CNTN6: variants seen among roughly 807,000 people sequenced by gnomAD.
The protein encoded by CNTN6 is contactin 6.
Under a neutral mutation model 122.8 loss-of-function variants are expected in CNTN6, and 137 were observed. The ratio of observed to expected loss-of-function variants is 1.12; its 90% CI spans 0.97 to 1.29. The LOEUF is 1.29. Among genes scored for constraint, CNTN6 ranks in the 50% most tolerant of loss-of-function variants. CNTN6 has a pLI of 0.00. For synonymous variants in CNTN6, 570 were observed against 426.0 expected (o/e 1.34, Z -4.16); for missense variants, 1,634 against 1,223.4 (o/e 1.34, Z -5.01).
At chr3:1,314,809 T>C (rs1055184842) in intron 7 of CNTN6, among the ~76,000 whole-genome samples, 51 of 152,066 alleles carry the variant, frequency 3.4e-4, no homozygotes, top group African/African-American at 1.1e-3. Flanking sequence ...CTAGTAGTAT[T>C]TCACAATTGT....
intron 1 of CNTN6, among the ~76,000 whole-genome samples, chr3:1,127,141 G>A (rs56753134): frequency 0.43 from 64,704 of 150,922 alleles, 13,988 homozygotes; most frequent in East Asian, 0.48. Context: ...TTTCATTTAC[G>A]AGCAAAATAG....
intron 8 of CNTN6, among the ~76,000 whole-genome samples, chr3:1,323,369 A>C (rs1011632727): frequency 4.6e-5 from 7 of 151,804 alleles, no homozygotes; most frequent in African/African-American, 1.7e-4. Context: ...AGCTCATTGT[A>C]CTATATCTCA....
intron 17 of CNTN6, among the ~76,000 whole-genome samples, chr3:1,380,518 T>C (rs909505301): frequency 6.6e-6 from 1 of 152,156 alleles, no homozygotes; most frequent in Non-Finnish European, 1.5e-5. Context: ...GAATGTCTCA[T>C]AAATATTACT....
chr3:1,227,061 A>T (rs1316675563), intron 3 of CNTN6, among the ~76,000 whole-genome samples: 1 of 152,180 alleles, frequency 6.6e-6, no homozygotes, highest in Non-Finnish European at 1.5e-5. Context: ...CATTTGTCTT[A>T]AAAATGACCA....
intron 1 of CNTN6, among the ~76,000 whole-genome samples, chr3:1,096,330 C>A (rs545990237): frequency 6.6e-6 from 1 of 151,834 alleles, no homozygotes; most frequent in Non-Finnish European, 1.5e-5. Context: ...TTTTCATTAA[C>A]TTTTTTTGAG....
chr3:1,239,279 C>T (rs575812229), intron 4 of CNTN6, among the ~76,000 whole-genome samples: 1 of 152,266 alleles, frequency 6.6e-6, no homozygotes, highest in African/African-American at 2.4e-5. Context: ...CCTAAAGATT[C>T]ATCCAAAAAT....
At chr3:1,290,044 G>A (rs1695055081) in intron 5 of CNTN6, among the ~76,000 whole-genome samples, 1 of 152,190 alleles carries the variant, frequency 6.6e-6, no homozygotes, top group Non-Finnish European at 1.5e-5. Flanking sequence ...TCACCTAGGA[G>A]CTTGTTAGCA....
At chr3:1,166,979 C>T (rs560133123) in intron 2 of CNTN6, among the ~76,000 whole-genome samples, 127 of 151,466 alleles carry the variant, frequency 8.4e-4, no homozygotes, top group African/African-American at 2.9e-3. Context: ...TGCAGCAAAC[C>T]ACCATGACAC....
At position 1,402,335 on chromosome 3, in the gene CNTN6, C is replaced by T. The variant is rs1695825840; in HGVS notation, c.2835C>T (p.Asn945=). 6.2e-7 allele frequency: 1 copy of T among 1,608,122 alleles called. No homozygotes were observed. Among genetic ancestry groups the T allele is most frequent in the Non-Finnish European group, 8.5e-7 (1 of 1,177,194 alleles). Residue 945 remains asparagine (N), a synonymous_variant, in exon 22 of 23, where the codon AAC becomes AAT. Transcript: ENST00000446702. ...TTATTCAGATTCTGTACCGGCAAAA[C>T]AGACAGAGTAAAACTCATATTTTGG... ...VLGYKILYRQ[N]RQSKTHILET...
rs568270706 is a variant in CNTN6 at position 1,136,164 on chromosome 3, C to T, written c.-82-11763C>T. On this transcript the variant is annotated intron_variant, in intron 1 of 22. Transcript: ENST00000446702. ...GAAATTTAGAGAGCTCTATTACATC[C>T]TTTATTAATTGACCCTAAAAAAATT... Among the ~76,000 whole-genome samples the T allele has an allele frequency of 7.2e-4, 110 of 152,206 alleles. 1 individual carries two copies. The highest frequency in any genetic ancestry group is 2.5e-3 in the African/African-American group (104 of 41,510).
At chr3:1,111,309 C>T (rs1385726337) in intron 1 of CNTN6, among the ~76,000 whole-genome samples, 1 of 152,180 alleles carries the variant, frequency 6.6e-6, no homozygotes, top group Non-Finnish European at 1.5e-5. Flanking sequence ...ACAACAAGAA[C>T]AACCATCAAT....
rs73819706 is a variant in CNTN6 at position 1,327,789 on chromosome 3, C to T, written c.1213+203C>T. Among the ~76,000 whole-genome samples the T allele has an allele frequency of 7.4e-3, 1,129 of 151,858 alleles. 8 individuals are homozygous for T. The highest frequency in any genetic ancestry group is 0.026 in the African/African-American group (1,062 of 41,474). The stretch of plus-strand genomic sequence containing the variant: ...AATGCACTGGGGCTTCAGAAAAAAA[C>T]CCACCATTGGGTGCATCCAAACCGG... On this transcript the variant is annotated intron_variant, in intron 10 of 22. Transcript: ENST00000446702.
intron 2 of CNTN6, among the ~76,000 whole-genome samples, chr3:1,205,469 C>T (rs905447534): frequency 6.6e-6 from 1 of 152,146 alleles, no homozygotes; most frequent in African/African-American, 2.4e-5. Flanking sequence ...GTTGACAGTC[C>T]TTGGTTTTCA....
chr3:1,103,055 A>G (rs372592015), intron 1 of CNTN6, among the ~76,000 whole-genome samples: 4,890 of 145,198 alleles, frequency 0.034, 98 homozygotes, highest in African/African-American at 0.045. Context: ...GCAGTGAGCC[A>G]AGATGGCGCC....
chr3:1,286,386 C>A (rs1170775320), intron 5 of CNTN6, among the ~76,000 whole-genome samples: 1 of 152,004 alleles, frequency 6.6e-6, no homozygotes, highest in African/African-American at 2.4e-5. Context: ...TGTGATGGGC[C>A]CCTCCCTGTG....
intron 2 of CNTN6, among the ~76,000 whole-genome samples, chr3:1,209,752 C>G (rs551423865): frequency 9.8e-5 from 5 of 50,830 alleles, no homozygotes; most frequent in Non-Finnish European, 1.6e-4. Context: ...AGCCCCAGCA[C>G]CATCAAAATC....
At chr3:1,238,738 T>G (rs572570503) in intron 4 of CNTN6, among the ~76,000 whole-genome samples, 1 of 152,132 alleles carries the variant, frequency 6.6e-6, no homozygotes, top group Non-Finnish European at 1.5e-5. Flanking sequence ...TTATATCAAG[T>G]ACTCTCTCAG....
At chr3:1,367,068 G>T (rs556944511) in intron 12 of CNTN6, among the ~76,000 whole-genome samples, 55 of 152,122 alleles carry the variant, frequency 3.6e-4, no homozygotes, top group African/African-American at 1.2e-3. Flanking sequence ...GTATTTGTGG[G>T]ATATAATGTG....
At chr3:1,360,812 A>C (rs1022064370) in intron 12 of CNTN6, among the ~76,000 whole-genome samples, 39 of 152,052 alleles carry the variant, frequency 2.6e-4, no homozygotes, top group African/African-American at 2.4e-5. Flanking sequence ...CCTAACCTTG[A>C]ACTCCTGATT....
Sources: allele counts gnomAD v4.1 joint callset (sites outside exome capture counted in the v4.1 genomes callset), GRCh38; gene constraint gnomAD v4.1.1; transcripts MANE v1.5; gene names NCBI Gene and HGNC (gene_info 2026-07-23, HGNC 2026-07-21).